Variants in HHAT observed in about 807,000 individuals in gnomAD.
HHAT encodes protein-cysteine N-palmitoyltransferase HHAT.
Under a neutral mutation model 70.8 loss-of-function variants are expected in HHAT, and 47 were observed. The observed-to-expected ratio is 0.66, with a 90% confidence interval of 0.53 to 0.85. The LOEUF is 0.85. Among genes scored for constraint, HHAT ranks in the 40% least tolerant of loss-of-function variants. The pLI, the probability that HHAT is intolerant of heterozygous loss-of-function variation, is 0.00. For missense variants in HHAT, 609 were observed against 604.8 expected (o/e 1.01, Z -0.07); for synonymous variants, 228 against 247.6 (o/e 0.92, Z 0.74).
chr1:210,421,916 TG>T (rs1438605631), intron 7 of HHAT, among the ~76,000 whole-genome samples: 1 of 152,188 alleles, frequency 6.6e-6, no homozygotes, highest in Non-Finnish European at 1.5e-5. Context: ...GTTTTTATGT[TG>T]TTTTTTTGAC....
intron 10 of HHAT, among the ~76,000 whole-genome samples, chr1:210,613,343 C>T (rs148474995): frequency 1.2e-3 from 182 of 152,262 alleles, no homozygotes; most frequent in African/African-American, 4.3e-3. Context: ...TTTCCAGAAC[C>T]ATTTGTTGGA....
chr1:210,558,916 C>T (rs1196933349), intron 9 of HHAT, among the ~76,000 whole-genome samples: 1 of 152,144 alleles, frequency 6.6e-6, no homozygotes, highest in Non-Finnish European at 1.5e-5. Flanking sequence ...TGATGAGGTC[C>T]TGTCTGGAGT....
intron 9 of HHAT, among the ~76,000 whole-genome samples, chr1:210,529,776 C>T (rs756042378): frequency 5.3e-5 from 8 of 152,214 alleles, no homozygotes; most frequent in Non-Finnish European, 1.2e-4. Context: ...GTACATGCCA[C>T]AGTGCTGCCA....
chr1:210,382,635 T>C (rs570271376), intron 3 of HHAT, among the ~76,000 whole-genome samples: 1 of 152,328 alleles, frequency 6.6e-6, no homozygotes, highest in East Asian at 1.9e-4. Flanking sequence ...AATTGAGATG[T>C]GGATGACGGA....
At chr1:210,546,390 T>C (rs1209717625) in intron 9 of HHAT, among the ~76,000 whole-genome samples, 1 of 152,142 alleles carries the variant, frequency 6.6e-6, no homozygotes, top group East Asian at 1.9e-4. Context: ...GACTTGAAGG[T>C]TGGCATGTGA....
chr1:210,545,436 C>CTTTT lies in HHAT; in HGVS notation c.1043+32262_1043+32265dup, dbSNP rs71571956. ...ATTTAGTCATGACTTCTTTTTTTTCCTTTTTTTTTTTTTTTTTGAGATCAG... is the reference window on the plus strand; with the variant it reads ...ATTTAGTCATGACTTCTTTTTTTTCCTTTTTTTTTTTTTTTTTTTTTGAGATCAG... On this transcript the variant is annotated intron_variant, in intron 9 of 11. Transcript: ENST00000261458. Among the ~76,000 whole-genome samples, 402 of 127,172 alleles carry CTTTT rather than the reference C, an allele frequency of 3.2e-3. 10 individuals are homozygous for CTTTT. Among genetic ancestry groups the CTTTT allele is most frequent in the African/African-American group, 0.011 (382 of 33,926 alleles). The allele number at this position is 127,172 out of a possible 152,430, so 83.4% of individuals were successfully genotyped here.
chr1:210,407,558 A>G (rs936520069), intron 6 of HHAT, among the ~76,000 whole-genome samples: 1 of 152,266 alleles, frequency 6.6e-6, no homozygotes, highest in African/African-American at 2.4e-5. Context: ...TGAGGGAGGT[A>G]TAGAAGCGTT....
chr1:210,350,458 T>G (rs2086914477), intron 2 of HHAT, among the ~76,000 whole-genome samples: 1 of 152,252 alleles, frequency 6.6e-6, no homozygotes, highest in Non-Finnish European at 1.5e-5. Context: ...TCATGAGAGT[T>G]TTATTGTTTT....
chr1:210,394,581 T>A (rs916543942), intron 4 of HHAT, among the ~76,000 whole-genome samples: 4 of 152,080 alleles, frequency 2.6e-5, no homozygotes, highest in African/African-American at 9.7e-5. Context: ...GGTGTAGGGT[T>A]GAGGGTGGGT....
intron 8 of HHAT, among the ~76,000 whole-genome samples, chr1:210,465,174 G>A (rs1184796046): frequency 1.3e-5 from 2 of 152,324 alleles, no homozygotes; most frequent in South Asian, 2.1e-4. Flanking sequence ...TGTAGAGCAG[G>A]TGGTATATAA....
At chr1:210,507,359 C>CTTTT (rs927392992) in intron 8 of HHAT, among the ~76,000 whole-genome samples, 8 of 122,528 alleles carry the variant, frequency 6.5e-5, no homozygotes, top group Non-Finnish European at 1.2e-4. Flanking sequence ...TTTCTTTTTT[C>CTTTT]TTTTTTTTTT....
intron 1 of HHAT, among the ~76,000 whole-genome samples, chr1:210,340,244 A>AGG (rs1558310328): frequency 4.0e-5 from 2 of 50,482 alleles, no homozygotes; most frequent in South Asian, 6.4e-4. Context: ...CTGTCTCAGA[A>AGG]AAAAAAAAAA....
intron 3 of HHAT, among the ~76,000 whole-genome samples, chr1:210,365,444 G>A (rs912125439): frequency 4.7e-5 from 7 of 148,902 alleles, no homozygotes; most frequent in Non-Finnish European, 7.4e-5. Flanking sequence ...AGCTTCCTGA[G>A]TAGCTAGGAT....
chr1:210,393,580 G>C (rs1156964124), intron 4 of HHAT, among the ~76,000 whole-genome samples: 1 of 152,172 alleles, frequency 6.6e-6, no homozygotes, highest in Non-Finnish European at 1.5e-5. Flanking sequence ...GGTGGCTTTT[G>C]AGCTGTGGCT....
intron 10 of HHAT, among the ~76,000 whole-genome samples, chr1:210,610,312 GTCT>G (rs1244709822): frequency 6.6e-6 from 1 of 152,188 alleles, no homozygotes; most frequent in Non-Finnish European, 1.5e-5. Context: ...CCACATGTGT[GTCT>G]TCTTTTGAGA....
rs772141181 is a variant in HHAT at position 210,329,126 on chromosome 1, G to C, written c.-44+22G>C. ...GGAGGTTGGTAACTGGTGACCATAG[G>C]GGGTCCTGGGGAGGTTAGATGCTGA... On this transcript the variant is annotated intron_variant, in intron 1 of 11. Transcript: ENST00000261458. The C allele has an allele frequency of 9.8e-6, 13 of 1,324,952 alleles. No homozygotes were observed. In the East Asian group the frequency reaches 1.2e-4, roughly 13 times the overall value. 82.1% of individuals were successfully genotyped at this position (1,324,952 alleles called of 1,614,324 possible).
At chr1:210,624,722 C>A (rs1019121436) in intron 11 of HHAT, among the ~76,000 whole-genome samples, 1 of 152,190 alleles carries the variant, frequency 6.6e-6, no homozygotes, top group Admixed American at 6.5e-5. Flanking sequence ...CACCATTTCC[C>A]TTGGGCTGGG....
rs550363093 is a variant in HHAT, at chr1:210,561,954, C to T, written c.1044-25944C>T. Among the ~76,000 whole-genome samples, 8 of 152,280 alleles carry T rather than the reference C, an allele frequency of 5.3e-5. 1 individual carries two copies. In the South Asian group the frequency reaches 1.7e-3, roughly 32 times the overall value. On this transcript the variant is annotated intron_variant, in intron 9 of 11. Coordinates refer to ENST00000261458, the MANE Select transcript of HHAT (RefSeq NM_018194.6). ...CTGATAGTCACTTACTAACTCCTTC[C>T]AGTGCATAGTGGCTGCTCATAGTAG...
chr1:210,670,937 A>G (rs146959999), intron 11 of HHAT, among the ~76,000 whole-genome samples: 1 of 152,150 alleles, frequency 6.6e-6, no homozygotes, highest in African/African-American at 2.4e-5. Flanking sequence ...TAAGTCTCCT[A>G]AGTGCTATCT....
Sources: gnomAD v4.1 joint callset for allele counts (sites outside exome capture counted in the v4.1 genomes callset) on GRCh38, gnomAD v4.1.1 for gene constraint, MANE v1.5 for transcripts, NCBI Gene and HGNC (gene_info 2026-07-23, HGNC 2026-07-21) for gene names.